The following ANXA10 variants were observed in gnomAD, a reference collection of about 807,000 sequenced individuals.
The protein encoded by ANXA10 is annexin 14.
ANXA10 carries 49 observed loss-of-function variants against 53.5 expected under a neutral mutation model. The observed-to-expected ratio is 0.92, with a 90% CI of 0.73 to 1.16. The LOEUF (loss-of-function observed/expected upper bound fraction) is 1.16, where lower values mean the gene tolerates loss of function less well. ANXA10 is among the 50% of genes most tolerant of loss of function. The pLI, the probability that ANXA10 is intolerant of heterozygous loss-of-function variation, is 0.00. For synonymous variants in ANXA10, 131 were observed against 128.9 expected (o/e 1.02, Z -0.11); for missense variants, 393 against 394.4 (o/e 1.00, Z 0.03).
chr4:168,112,194 G>A (rs1730819339), intron 1 of ANXA10, among the ~76,000 whole-genome samples: 2 of 152,096 alleles, frequency 1.3e-5, no homozygotes, highest in East Asian at 1.9e-4. Context: ...TACTCAGGAG[G>A]CTGAGGCAGG....
intron 1 of ANXA10, among the ~76,000 whole-genome samples, chr4:168,121,464 G>C (rs996642122): frequency 3.4e-4 from 52 of 152,122 alleles, no homozygotes; most frequent in Non-Finnish European, 2.5e-4. Flanking sequence ...ATCTAGGAAA[G>C]TTAAATTCTA....
In ANXA10 at chr4:168,122,826, A is replaced by G. The variant is rs1458000325; in HGVS notation, c.19-5258A>G. The stretch of plus-strand genomic sequence containing the variant: ...CACCCCTATGACCCCAACGCCTCCC[A>G]TTAGGCCCCACCTCCAACACTGGAG... On this transcript the variant is annotated intron_variant, in intron 1 of 11. Coordinates refer to ENST00000359299, the MANE Select transcript of ANXA10 (RefSeq NM_007193.5). Among the ~76,000 whole-genome samples, 7 of 152,116 alleles carry G rather than the reference A, an allele frequency of 4.6e-5. 1 individual carries two copies. Among genetic ancestry groups the G allele is most frequent in the Admixed American group, 3.9e-4 (6 of 15,260 alleles).
chr4:168,096,800 G>C (rs1579196754), intron 1 of ANXA10, among the ~76,000 whole-genome samples: 1 of 151,256 alleles, frequency 6.6e-6, no homozygotes, highest in Non-Finnish European at 1.5e-5. Context: ...CACAGTACCA[G>C]TGCCAAAGCT....
intron 1 of ANXA10, among the ~76,000 whole-genome samples, chr4:168,124,797 G>T (rs1731042733): frequency 6.6e-6 from 1 of 152,136 alleles, no homozygotes; most frequent in Non-Finnish European, 1.5e-5. Flanking sequence ...GCATTGTTTT[G>T]GGCATTAAGG....
intron 1 of ANXA10, among the ~76,000 whole-genome samples, chr4:168,103,026 T>C (rs1730665705): frequency 6.6e-6 from 1 of 152,112 alleles, no homozygotes; most frequent in Non-Finnish European, 1.5e-5. Context: ...TTTTATATCA[T>C]TTTCTTTGTT....
chr4:168,159,768 CT>C (rs1305284993), intron 3 of ANXA10, among the ~76,000 whole-genome samples: 6 of 151,970 alleles, frequency 3.9e-5, no homozygotes, highest in Admixed American at 3.3e-4. Context: ...TATTTTCTCT[CT>C]TGTTATAATG....
At chr4:168,098,065 T>C (rs1175859880) in intron 1 of ANXA10, among the ~76,000 whole-genome samples, 1 of 151,866 alleles carries the variant, frequency 6.6e-6, no homozygotes, top group Admixed American at 6.6e-5. Context: ...TTAACATTAA[T>C]ACAGTGTGCC....
At chr4:168,151,372 A>G (rs546750315) in intron 3 of ANXA10, among the ~76,000 whole-genome samples, 8 of 152,314 alleles carry the variant, frequency 5.3e-5, no homozygotes, top group South Asian at 4.1e-4. Flanking sequence ...AGATAAAGGT[A>G]AGACGAATAA....
intron 1 of ANXA10, among the ~76,000 whole-genome samples, chr4:168,121,869 A>T (rs1190545933): frequency 1.3e-5 from 2 of 151,554 alleles, no homozygotes; most frequent in African/African-American, 4.9e-5. Context: ...TCTGAGACGG[A>T]GTCTCACTCT....
chr4:168,150,570 G>T (rs1435301752), intron 3 of ANXA10, among the ~76,000 whole-genome samples: 1 of 152,198 alleles, frequency 6.6e-6, no homozygotes, highest in Non-Finnish European at 1.5e-5. Context: ...GAATAAGACA[G>T]AAATTTATGC....
intron 1 of ANXA10, among the ~76,000 whole-genome samples, chr4:168,125,926 T>G (rs746143760): frequency 1.3e-5 from 2 of 152,156 alleles, no homozygotes; most frequent in Non-Finnish European, 2.9e-5. Context: ...TTGATTACCT[T>G]GTGGTAAGAA....
intron 3 of ANXA10, among the ~76,000 whole-genome samples, chr4:168,155,370 T>A (rs1731590726): frequency 9.3e-6 from 1 of 107,056 alleles, no homozygotes; most frequent in Non-Finnish European, 1.8e-5. Context: ...TATAATGTAT[T>A]ATATATTATA....
chr4:168,109,485 A>G (rs1207966550), intron 1 of ANXA10, among the ~76,000 whole-genome samples: 1 of 152,212 alleles, frequency 6.6e-6, no homozygotes, highest in Non-Finnish European at 1.5e-5. Context: ...TTTGGACTTA[A>G]GTACATGTTA....
At chr4:168,155,542 A>G (rs1731604288) in intron 3 of ANXA10, among the ~76,000 whole-genome samples, 1 of 45,328 alleles carries the variant, frequency 2.2e-5, no homozygotes, top group Admixed American at 3.8e-4. Flanking sequence ...ATAATTATAT[A>G]TTATAAAATA....
intron 1 of ANXA10, among the ~76,000 whole-genome samples, chr4:168,126,031 T>A (rs1673149539): frequency 1.3e-5 from 2 of 152,178 alleles, no homozygotes; most frequent in African/African-American, 4.8e-5. Flanking sequence ...GAAAAAATCT[T>A]AATACATACA....
intron 10 of ANXA10, among the ~76,000 whole-genome samples, 165 bp downstream of exon 10, chr4:168,181,906 A>T (rs1732255700): frequency 6.6e-6 from 1 of 152,236 alleles, no homozygotes; most frequent in Non-Finnish European, 1.5e-5. Flanking sequence ...CAAAAATAAG[A>T]CATATCAGAT....
intron 3 of ANXA10, among the ~76,000 whole-genome samples, chr4:168,145,031 G>A (rs1731384497): frequency 6.6e-6 from 1 of 152,172 alleles, no homozygotes; most frequent in Admixed American, 6.5e-5. Flanking sequence ...GTCAGAAAGT[G>A]TGGAGTGCTG....
chr4:168,185,580 A>G (rs1353877374), intron 11 of ANXA10, among the ~76,000 whole-genome samples: 1 of 152,180 alleles, frequency 6.6e-6, no homozygotes, highest in Non-Finnish European at 1.5e-5. Flanking sequence ...TTTTGATACA[A>G]CCTAACAAAG....
At chr4:168,168,072 C>A (rs1352084857) in intron 6 of ANXA10, among the ~76,000 whole-genome samples, 2 of 152,142 alleles carry the variant, frequency 1.3e-5, no homozygotes, top group South Asian at 2.1e-4. Flanking sequence ...TGACTAAAAG[C>A]ATAAAGTAAA....
Sources: gnomAD v4.1 joint callset for allele counts (sites outside exome capture counted in the v4.1 genomes callset) on GRCh38, gnomAD v4.1.1 for gene constraint, MANE v1.5 for transcripts, NCBI Gene and HGNC (gene_info 2026-07-23, HGNC 2026-07-21) for gene names.